The following DLGAP4 variants were observed in gnomAD, a reference collection of about 807,000 sequenced individuals.
DLGAP4 encodes disks large-associated protein 4.
Under a neutral mutation model 86.9 loss-of-function variants are expected in DLGAP4, and 18 were observed. The observed-to-expected ratio is 0.21, with a 90% CI of 0.14 to 0.31. The LOEUF (loss-of-function observed/expected upper bound fraction) is 0.31. Ranked by LOEUF, DLGAP4 falls within the 10% of genes least tolerant of loss-of-function variation. DLGAP4 has a pLI of 1.00. For missense variants in DLGAP4, 1,085 were observed against 1,362.6 expected, an observed-to-expected ratio of 0.80 and a Z score of 3.21; for synonymous variants, 548 against 574.3, an observed-to-expected ratio of 0.95 and a Z score of 0.65.
chr20:36,524,101 A>G, intron 10 of DLGAP4, 149 bp from the exon 11 acceptor site: 1 of 692,606 alleles, frequency 1.4e-6, no homozygotes, highest in Non-Finnish European at 2.6e-6. Flanking sequence ...ATGAGAATGG[A>G]TTAATGTGTA....
At chr20:36,386,091 G>A (rs1007487308) in intron 2 of DLGAP4, among the ~76,000 whole-genome samples, 14 of 152,146 alleles carry the variant, frequency 9.2e-5, no homozygotes, top group African/African-American at 3.1e-4. Context: ...CCTCCTCAGC[G>A]GAGGCTGGGA....
At chr20:36,321,652 C>T (rs2065169898) in intron 1 of DLGAP4, among the ~76,000 whole-genome samples, 1 of 152,184 alleles carries the variant, frequency 6.6e-6, no homozygotes, top group East Asian at 1.9e-4. Flanking sequence ...CCTTCTCACT[C>T]CTACTTATTA....
At chr20:36,469,052 A>C (rs6021148) in intron 7 of DLGAP4, among the ~76,000 whole-genome samples, 1 of 152,148 alleles carries the variant, frequency 6.6e-6, no homozygotes. Context: ...CCAACTTTGG[A>C]AAGTATTACT....
chr20:36,451,456 T>G (rs2033733817), intron 7 of DLGAP4, among the ~76,000 whole-genome samples: 1 of 152,058 alleles, frequency 6.6e-6, no homozygotes, highest in South Asian at 2.1e-4. Flanking sequence ...GTTCAAGCGA[T>G]TCTCATGCCT....
chr20:36,417,429 T>C (rs1423652831), intron 2 of DLGAP4, among the ~76,000 whole-genome samples: 1 of 152,122 alleles, frequency 6.6e-6, no homozygotes, highest in East Asian at 1.9e-4. Flanking sequence ...TTGCCCAGTC[T>C]GGAGTATAGT....
intron 7 of DLGAP4, among the ~76,000 whole-genome samples, chr20:36,453,033 A>G (rs1324136295): frequency 6.6e-6 from 1 of 151,326 alleles, no homozygotes; most frequent in Non-Finnish European, 1.5e-5. Flanking sequence ...GGGTTTCACC[A>G]TGTTGGCCAG....
chr20:36,309,235 G>GCCCCGTGGGCCTCTGCTTCATTA (rs1432953244), intron 1 of DLGAP4, among the ~76,000 whole-genome samples: 1 of 152,228 alleles, frequency 6.6e-6, no homozygotes, highest in Non-Finnish European at 1.5e-5. Flanking sequence ...CACCCGCCCA[G>GCCCCGTGGGCCTCTGCTTCATTA]CCCCGTGGGC....
intron 7 of DLGAP4, among the ~76,000 whole-genome samples, chr20:36,494,301 T>G (rs1181971411): frequency 6.6e-6 from 1 of 152,214 alleles, no homozygotes; most frequent in Non-Finnish European, 1.5e-5. Flanking sequence ...CATGTGTTAC[T>G]TTCAAAGAAC....
At position 36,500,406 on chromosome 20, in the gene DLGAP4, C is replaced by A; in HGVS notation, c.2307C>A (p.Asp769Glu). ...ACCTCTCCTATGGAGACAACAGCGA[C>A]CCTGCCCTAGAGGCGTCCTCGCTGC... ...KRNLSYGDNS[D>E]PALEASSLPP... Residue 769 changes from aspartate (D) to glutamate (E), a missense_variant, in exon 10 of 13, where the codon GAC (aspartate) becomes GAA (glutamate). Transcript: ENST00000339266. This position sits in a 1 kb window ranked among gnomAD's most constrained non-coding sequence, Gnocchi z 4.6. 6.3e-7 allele frequency: 1 copy of A among 1,593,694 alleles called. No individual in the cohort carries two copies. Among genetic ancestry groups the A allele is most frequent in the Non-Finnish European group, 8.6e-7 (1 of 1,169,424 alleles).
chr20:36,384,515 A>G (rs1393256703), intron 2 of DLGAP4, among the ~76,000 whole-genome samples: 2 of 152,218 alleles, frequency 1.3e-5, no homozygotes, highest in Non-Finnish European at 2.9e-5. Context: ...GTTAAAGGTG[A>G]GCAAACTGAA....
intron 1 of DLGAP4, among the ~76,000 whole-genome samples, chr20:36,332,219 G>A (rs75805652): frequency 6.6e-6 from 1 of 152,160 alleles, no homozygotes; most frequent in East Asian, 1.9e-4. Context: ...AGGCTGGGCT[G>A]GGCAAGGGAT....
At chr20:36,338,440 C>G (rs929610219) in intron 1 of DLGAP4, among the ~76,000 whole-genome samples, 1 of 152,156 alleles carries the variant, frequency 6.6e-6, no homozygotes, top group Admixed American at 6.5e-5. Context: ...GGTGTGGTGG[C>G]GCATGCCTGT....
At position 36,496,884 on chromosome 20, in the gene DLGAP4, G is replaced by C; in HGVS notation, c.1828G>C (p.Asp610His). ...CCAGTCGGGCCTGAGCAACTCGTCG[G>C]ACAGCCTGGACAGCAGTACCCGACC... ...TSQSGLSNSS[D>H]SLDSSTRPPS... The change falls in exon 8 of 13, where the codon GAC becomes CAC. Residue 610 changes from aspartate (D) to histidine (H), a missense_variant. Around this residue, in one of 2 missense-constraint regions of DLGAP4, gnomAD observed 1,082 missense variants for 1,344.1 expected, o/e 0.81. Coordinates refer to ENST00000339266, the MANE Select transcript of DLGAP4 (RefSeq NM_001365621.2). The C allele has an allele frequency of 6.2e-7, 1 of 1,614,220 alleles. No homozygotes were observed. Among genetic ancestry groups the C allele is most frequent in the Non-Finnish European group, 8.5e-7 (1 of 1,180,044 alleles).
At chr20:36,396,539 GCA>G (rs1226481115) in intron 2 of DLGAP4, among the ~76,000 whole-genome samples, 27 of 54,598 alleles carry the variant, frequency 4.9e-4, no homozygotes, top group Admixed American at 9.6e-4. Flanking sequence ...GCACACACAC[GCA>G]CACACACACC....
intron 1 of DLGAP4, among the ~76,000 whole-genome samples, chr20:36,351,344 C>T (rs1422648392): frequency 2.6e-5 from 4 of 152,164 alleles, no homozygotes; most frequent in Non-Finnish European, 4.4e-5. Context: ...AAGTGAGTGG[C>T]GGGCCTGTTA....
At chr20:36,369,393 G>T (rs974823014) in intron 2 of DLGAP4, among the ~76,000 whole-genome samples, 3 of 152,188 alleles carry the variant, frequency 2.0e-5, no homozygotes, top group Non-Finnish European at 2.9e-5. Context: ...AGGAGTTCGA[G>T]ACCACCCTGG....
At chr20:36,386,347 T>A (rs2031595614) in intron 2 of DLGAP4, among the ~76,000 whole-genome samples, 2 of 149,008 alleles carry the variant, frequency 1.3e-5, no homozygotes, top group African/African-American at 5.0e-5. Context: ...AGAGCAAGCA[T>A]GTTTGCTGAA....
chr20:36,426,093 G>C (rs568679634), intron 2 of DLGAP4, among the ~76,000 whole-genome samples: 4 of 152,268 alleles, frequency 2.6e-5, no homozygotes, highest in African/African-American at 9.6e-5. Context: ...CTACAACATG[G>C]GTGAACTTAG....
At position 36,317,256 on chromosome 20, in the gene DLGAP4, TTTC is replaced by T. The variant is rs1313353289; in HGVS notation, c.-304+10747_-304+10749del. Among the ~76,000 whole-genome samples, 115 of 58,916 alleles carry T rather than the reference TTTC, an allele frequency of 2.0e-3. 2 individuals are homozygous for T. The highest frequency in any genetic ancestry group is 0.011 in the African/African-American group (105 of 9,600). The allele number at this position is 58,916 out of a possible 152,430, so 38.7% of individuals were successfully genotyped here. On this transcript the variant is annotated intron_variant, in intron 1 of 12. Coordinates refer to ENST00000339266, the MANE Select transcript of DLGAP4 (RefSeq NM_001365621.2). ...CTTTCTTTCTTTCTTTCTTTCTTTC[TTTC>T]TTTCTTTCTTTCTTTCTTATCTTTC...
Sources: gnomAD v4.1 joint callset for allele counts (sites outside exome capture counted in the v4.1 genomes callset) on GRCh38, gnomAD v4.1.1 for gene constraint, gnomAD v4.1.1 regional missense constraint, Gnocchi (gnomAD v3.1) non-coding constraint, MANE v1.5 for transcripts, NCBI Gene and HGNC (gene_info 2026-07-23, HGNC 2026-07-21) for gene names.